The following FOXK1 variants were observed in gnomAD, a reference collection of about 807,000 sequenced individuals.
FOXK1 encodes the protein forkhead box K1.
In FOXK1, 19 loss-of-function variants were observed where a neutral mutation model predicts 51.9. That is an observed-to-expected ratio of 0.37 (90% CI 0.26 to 0.54). The LOEUF is 0.54. Ranked by LOEUF, FOXK1 falls within the 20% of genes least tolerant of loss-of-function variation. The probability of loss-of-function intolerance (pLI) is 0.87; values close to 1 mark genes in which losing one functional copy is unlikely to be tolerated. For synonymous variants in FOXK1, 537 were observed against 482.6 expected, an observed-to-expected ratio of 1.11 and a Z score of -1.48; for missense variants, 870 against 1,032.7, an observed-to-expected ratio of 0.84 and a Z score of 2.16.
At position 4,760,573 on chromosome 7, in the gene FOXK1, G is replaced by A. The variant is rs191554112; in HGVS notation, c.1697-491G>A. 6.3e-3 allele frequency among the ~76,000 whole-genome samples: 967 copies of A among 152,330 alleles called. 16 individuals carry two copies. The highest frequency in any genetic ancestry group is 0.022 in the African/African-American group (912 of 41,586). On this transcript the variant is annotated intron_variant, in intron 7 of 8. Transcript: ENST00000328914. ...GGTATTTAAAATACTGTTCTAGGCC[G>A]GGCGCGGTGGCTCACGCCTGTAATC... is the stretch of plus-strand genomic sequence containing the variant.
At position 4,730,577 on chromosome 7, in the gene FOXK1, C is replaced by G. The variant is rs1369084156; in HGVS notation, c.561-10261C>G. Among the ~76,000 whole-genome samples the G allele has an allele frequency of 6.6e-6, 1 of 152,158 alleles. No homozygotes were observed. Among genetic ancestry groups the G allele is most frequent in the African/African-American group, 2.4e-5 (1 of 41,444 alleles). ...AGGGACCTTGCCGACCCAGCCCCCGCCCCGCCTTCAAGTTTGTGCCTTATT... is the reference window on the plus strand; with the variant it reads ...AGGGACCTTGCCGACCCAGCCCCCGGCCCGCCTTCAAGTTTGTGCCTTATT... On this transcript the variant is annotated intron_variant, in intron 1 of 8. Transcript: ENST00000328914. This position sits in a 1 kb window ranked among gnomAD's most constrained non-coding sequence, Gnocchi z 4.7.
At chr7:4,692,788 G>A (rs1779909235) in intron 1 of FOXK1, among the ~76,000 whole-genome samples, 1 of 150,640 alleles carries the variant, frequency 6.6e-6, no homozygotes, top group African/African-American at 2.4e-5. Context: ...GTGCAGTGGT[G>A]CAATCATAGC....
rs1001718034 is a variant in FOXK1 at position 4,706,024 on chromosome 7, G to A, written c.560+23156G>A. Among the ~76,000 whole-genome samples, 30 of 95,814 alleles carry A rather than the reference G, an allele frequency of 3.1e-4. 3 individuals are homozygous for A. The highest frequency in any genetic ancestry group is 1.7e-3 in the African/African-American group (17 of 9,758). 62.9% of individuals were successfully genotyped at this position (95,814 alleles called of 152,430 possible). A position where few individuals can be genotyped will look rare whatever the true frequency, so the allele number is the denominator to read the frequency against. On this transcript the variant is annotated intron_variant, in intron 1 of 8. Coordinates refer to ENST00000328914, the MANE Select transcript of FOXK1 (RefSeq NM_001037165.2). ...TATACGTATATATACGTATATATAC[G>A]TGTATATACGTGTATATACGTGTAT...
chr7:4,695,126 G>A (rs1268609144), intron 1 of FOXK1, among the ~76,000 whole-genome samples: 1 of 152,232 alleles, frequency 6.6e-6, no homozygotes, highest in Admixed American at 6.5e-5. Context: ...CGCTACCTCT[G>A]CCCTTGGGAT....
At position 4,730,225 on chromosome 7, in the gene FOXK1, A is replaced by T. The variant is rs989083913; in HGVS notation, c.561-10613A>T. 6.6e-6 allele frequency among the ~76,000 whole-genome samples: 1 copy of T among 152,152 alleles called. No individual in the cohort carries two copies. Among genetic ancestry groups the T allele is most frequent in the African/African-American group, 2.4e-5 (1 of 41,438 alleles). The stretch of plus-strand genomic sequence containing the variant: ...AGAACTTATAAACACTAAAACTGCT[A>T]CCGGGTTTTAATTCACACACACCAC... On this transcript the variant is annotated intron_variant, in intron 1 of 8. Coordinates refer to ENST00000328914, the MANE Select transcript of FOXK1 (RefSeq NM_001037165.2). The surrounding 1 kb of genome is among the most constrained non-coding windows in gnomAD (Gnocchi z 4.7).
At position 4,748,049 on chromosome 7, in the gene FOXK1, ACATTCTTTAAGAT is replaced by A. The variant is rs1780728885; in HGVS notation, c.747-6403_747-6391del. ...AATGTCGGATTTATCTTAAAGGAAC[ACATTCTTTAAGAT>A]CATTCTAAGAAATTCGCCTCTGAAA... On this transcript the variant is annotated intron_variant, in intron 2 of 8. Coordinates refer to ENST00000328914, the MANE Select transcript of FOXK1 (RefSeq NM_001037165.2). This position sits in a 1 kb window ranked among gnomAD's most constrained non-coding sequence, Gnocchi z 4.9. 6.6e-6 allele frequency among the ~76,000 whole-genome samples: 1 copy of A among 152,180 alleles called. No homozygotes were observed. The highest frequency in any genetic ancestry group is 1.5e-5 in the Non-Finnish European group (1 of 68,038).
In FOXK1 at chr7:4,762,806, C is replaced by T; in HGVS notation, c.*342C>T. ...ATCTTGAGGAATGTGTCAAGACAGCCCCTCCGCTCCGCGCTGCACGGCCAG... is the reference window on the plus strand; with the variant it reads ...ATCTTGAGGAATGTGTCAAGACAGCTCCTCCGCTCCGCGCTGCACGGCCAG... On this transcript the variant is annotated 3_prime_UTR_variant, in exon 9 of 9. Coordinates refer to ENST00000328914, the MANE Select transcript of FOXK1 (RefSeq NM_001037165.2). The surrounding 1 kb of genome is among the most constrained non-coding windows in gnomAD (Gnocchi z 5.7). The T allele has an allele frequency of 3.3e-6, 1 of 301,212 alleles. No individual in the cohort carries two copies. The highest frequency in any genetic ancestry group is 6.4e-6 in the Non-Finnish European group (1 of 156,806). The allele number at this position is 301,212 out of a possible 1,614,324, so 18.7% of individuals were successfully genotyped here.
intron 1 of FOXK1, among the ~76,000 whole-genome samples, chr7:4,719,382 C>T (rs55801721): frequency 0.26 from 39,012 of 152,056 alleles, 5,739 homozygotes; most frequent in Non-Finnish European, 0.35. Context: ...TCAAATGATC[C>T]TCCCGCCTCT....
rs895713550 is a variant in FOXK1, at chr7:4,761,842, G to T, written c.1922-342G>T. Among the ~76,000 whole-genome samples the T allele has an allele frequency of 3.9e-5, 6 of 152,106 alleles. No individual in the cohort carries two copies. Among genetic ancestry groups the T allele is most frequent in the Non-Finnish European group, 8.8e-5 (6 of 68,012 alleles). On this transcript the variant is annotated intron_variant, in intron 8 of 8. Transcript: ENST00000328914. This position sits in a 1 kb window ranked among gnomAD's most constrained non-coding sequence, Gnocchi z 6.2. ...TGCTGGGGTGCAAGGGTGCTGGGCG[G>T]GGGTGCAGGGTACCAGGGCACCGGG...
At chr7:4,716,417 G>A (rs1313948411) in intron 1 of FOXK1, among the ~76,000 whole-genome samples, 1 of 152,072 alleles carries the variant, frequency 6.6e-6, no homozygotes, top group African/African-American at 2.4e-5. Flanking sequence ...AAGGCAGGAG[G>A]ATCACTTGAG....
At chr7:4,719,125 T>TG (rs886838238) in intron 1 of FOXK1, among the ~76,000 whole-genome samples, 5 of 139,952 alleles carry the variant, frequency 3.6e-5, no homozygotes, top group African/African-American at 8.0e-5. Context: ...TTTTTGTTTT[T>TG]TTTTTGTTTG....
rs149221532 is a variant in FOXK1 at position 4,761,078 on chromosome 7, C to T, written c.1711C>T (p.Pro571Ser). The change falls in exon 8 of 9, where the codon CCC becomes TCC. Residue 571 changes from proline to serine, a missense_variant. Around this residue, in one of 3 missense-constraint regions of FOXK1, gnomAD observed 457 missense variants for 510.8 expected, o/e 0.89. Coordinates refer to ENST00000328914, the MANE Select transcript of FOXK1 (RefSeq NM_001037165.2). This position sits in a 1 kb window ranked among gnomAD's most constrained non-coding sequence, Gnocchi z 6.2. ...GSEARGLEEKPTIAFATIPAA... is the reference protein window; with the variant it reads ...GSEARGLEEKSTIAFATIPAA... Reference sequence around the variant, plus strand: ...CTGTCCCGCAGGCCTGGAGGAGAAACCCACCATTGCGTTTGCCACAATCCC... The same window carrying T: ...CTGTCCCGCAGGCCTGGAGGAGAAATCCACCATTGCGTTTGCCACAATCCC... 11 of 1,612,174 alleles carry T rather than the reference C, an allele frequency of 6.8e-6. No individual in the cohort carries two copies. In the East Asian group the frequency reaches 1.8e-4, roughly 26 times the overall value.
rs1380670744 is a variant in FOXK1 at position 4,769,566 on chromosome 7, A to C, written c.*7102A>C. On this transcript the variant is annotated 3_prime_UTR_variant, in exon 9 of 9. Transcript: ENST00000328914. The surrounding 1 kb of genome is among the most constrained non-coding windows in gnomAD (Gnocchi z 4.1). ...CGAATTCTCCTGCCTCAACCTCCCAAGTAGCTGGGATTACAGGCACCTGCC... is the reference window on the plus strand; with the variant it reads ...CGAATTCTCCTGCCTCAACCTCCCACGTAGCTGGGATTACAGGCACCTGCC... 6.6e-6 allele frequency: 1 copy of C among 152,160 alleles called. No individual in the cohort carries two copies. The highest frequency in any genetic ancestry group is 2.4e-5 in the African/African-American group (1 of 41,390). 9.4% of individuals were successfully genotyped at this position (152,160 alleles called of 1,614,324 possible). A position where few individuals can be genotyped will look rare whatever the true frequency, so the allele number is the denominator to read the frequency against.
At chr7:4,706,787 G>T (rs1257638549) in intron 1 of FOXK1, among the ~76,000 whole-genome samples, 2 of 152,218 alleles carry the variant, frequency 1.3e-5, no homozygotes, top group Non-Finnish European at 2.9e-5. Context: ...GTCAGTATCA[G>T]CCAGGTCATC....
At chr7:4,757,350 C>T (rs995131952) in intron 5 of FOXK1, among the ~76,000 whole-genome samples, 163 bp downstream of exon 5, 10 of 151,886 alleles carry the variant, frequency 6.6e-5, no homozygotes, top group Admixed American at 3.3e-4. Flanking sequence ...AAAAGAAGGC[C>T]GGCGCGGTGG....
chr7:4,715,065 C>G lies in FOXK1; in HGVS notation c.561-25773C>G, dbSNP rs971520774. Among the ~76,000 whole-genome samples the G allele has an allele frequency of 1.3e-5, 2 of 152,046 alleles. No homozygotes were observed. The highest frequency in any genetic ancestry group is 4.8e-5 in the African/African-American group (2 of 41,372). The stretch of plus-strand genomic sequence containing the variant: ...AGGCTTGGGGCGTAGCTTTTCTGAT[C>G]AGATGAGTTTCACGGCTTTAGTACA... On this transcript the variant is annotated intron_variant, in intron 1 of 8. Transcript: ENST00000328914. The surrounding 1 kb of genome is among the most constrained non-coding windows in gnomAD (Gnocchi z 4.5).
Position 4,762,409 on chromosome 7 carries a change from C to A in FOXK1, c.2147C>A (p.Thr716Lys). 2 of 1,550,120 alleles carry A rather than the reference C, an allele frequency of 1.3e-6. No homozygotes were observed. The highest frequency in any genetic ancestry group is 2.4e-5 in the South Asian group (2 of 84,060). The change falls in exon 9 of 9, where the codon ACA (threonine) becomes AAA (lysine). Residue 716 changes from threonine to lysine, a missense_variant. Coordinates refer to ENST00000328914, the MANE Select transcript of FOXK1 (RefSeq NM_001037165.2). This position sits in a 1 kb window ranked among gnomAD's most constrained non-coding sequence, Gnocchi z 5.7. The stretch of plus-strand genomic sequence containing the variant: ...GAGGAGCCCAGTGGTGCTGTAACCA[C>A]ACCGGCTGGAGTGATCGCAGCTGCC... ...RVEEPSGAVT[T>K]PAGVIAAAGP...
chr7:4,750,745 T>C (rs112341342), intron 2 of FOXK1, among the ~76,000 whole-genome samples: 14,491 of 150,808 alleles, frequency 0.096, 2,205 homozygotes, highest in African/African-American at 0.33. Flanking sequence ...ACTCTTGTTG[T>C]CCAGGCTGGA....
chr7:4,716,754 G>A (rs1780240021), intron 1 of FOXK1, among the ~76,000 whole-genome samples: 1 of 152,228 alleles, frequency 6.6e-6, no homozygotes, highest in African/African-American at 2.4e-5. Flanking sequence ...GGCTGTGGGT[G>A]TCTCCATTTT....
Sources: gnomAD v4.1 joint callset for allele counts (sites outside exome capture counted in the v4.1 genomes callset) on GRCh38, gnomAD v4.1.1 for gene constraint, gnomAD v4.1.1 regional missense constraint, Gnocchi (gnomAD v3.1) non-coding constraint, MANE v1.5 for transcripts, NCBI Gene and HGNC (gene_info 2026-07-23, HGNC 2026-07-21) for gene names.